The following DCAF6 variants were observed in gnomAD, a reference collection of about 807,000 sequenced individuals.
DCAF6 encodes the protein DDB1 and CUL4 associated factor 6.
DCAF6 carries 54 observed loss-of-function variants against 125.1 expected under a neutral mutation model. That is an observed-to-expected ratio of 0.43 (90% CI 0.35 to 0.54). The LOEUF (loss-of-function observed/expected upper bound fraction) is 0.54. Among genes scored for constraint, DCAF6 ranks in the 20% least tolerant of loss-of-function variants. The pLI is 0.01. For synonymous variants in DCAF6, 371 were observed against 390.4 expected (o/e 0.95, Z 0.58); for missense variants, 934 against 1,161.7 (o/e 0.80, Z 2.85).
chr1:168,001,283 C>A (rs775570015), intron 7 of DCAF6, among the ~76,000 whole-genome samples: 1 of 151,774 alleles, frequency 6.6e-6, no homozygotes, highest in Non-Finnish European at 1.5e-5. Flanking sequence ...GAGTGTGAGA[C>A]CCTGCCTGGA....
At chr1:168,008,293 A>G (rs967235634) in intron 10 of DCAF6, among the ~76,000 whole-genome samples, 1 of 152,092 alleles carries the variant, frequency 6.6e-6, no homozygotes, top group African/African-American at 2.4e-5. Flanking sequence ...ATAAATCTAC[A>G]TGTTCAAACT....
the DCAF6 span, among the ~76,000 whole-genome samples, chr1:167,877,918 A>G: frequency 6.6e-6 from 1 of 152,312 alleles, no homozygotes; most frequent in South Asian, 2.1e-4. Flanking sequence ...GGCAGGTGGT[A>G]CCTTGTATGT....
chr1:168,042,267 C>G (rs1319900656), intron 13 of DCAF6, among the ~76,000 whole-genome samples: 1 of 151,884 alleles, frequency 6.6e-6, no homozygotes, highest in Non-Finnish European at 1.5e-5. Flanking sequence ...AGAATTGTTG[C>G]ATTTCTATGA....
chr1:168,065,110 A>C (rs1483139459), intron 18 of DCAF6, among the ~76,000 whole-genome samples: 1 of 152,204 alleles, frequency 6.6e-6, no homozygotes, highest in Non-Finnish European at 1.5e-5. Flanking sequence ...TATACTGCCC[A>C]AAACCCAGAA....
chr1:168,073,169 C>T (rs544480850), intron 21 of DCAF6, among the ~76,000 whole-genome samples: 59 of 151,048 alleles, frequency 3.9e-4, no homozygotes, highest in African/African-American at 1.4e-3. Context: ...GAGCGAGACT[C>T]GGTCTCAAAA....
At chr1:168,049,431 G>GTTTTTT (rs11369573) in intron 16 of DCAF6, among the ~76,000 whole-genome samples, 15 of 101,184 alleles carry the variant, frequency 1.5e-4, no homozygotes, top group South Asian at 3.5e-4. Context: ...TGTTGTTGTT[G>GTTTTTT]TTTTTTTTTT....
chr1:167,971,452 G>A (rs1054641584), intron 3 of DCAF6, among the ~76,000 whole-genome samples: 1 of 152,060 alleles, frequency 6.6e-6, no homozygotes, highest in East Asian at 1.9e-4. Flanking sequence ...CTGTATATTC[G>A]ATACCTCAGA....
chr1:168,034,611 A>G (rs1687566951), intron 12 of DCAF6, among the ~76,000 whole-genome samples: 1 of 152,372 alleles, frequency 6.6e-6, no homozygotes, highest in East Asian at 1.9e-4. Flanking sequence ...AATACTGATT[A>G]CAAAGATTTT....
intron 12 of DCAF6, among the ~76,000 whole-genome samples, chr1:168,024,888 C>T (rs1206747011): frequency 6.6e-6 from 1 of 151,100 alleles, no homozygotes; most frequent in African/African-American, 2.4e-5. Context: ...CCTTAGATGA[C>T]CTGTATTACT....
At chr1:167,880,648 G>C in the DCAF6 span, 1 of 1,490,962 alleles carries the variant, frequency 6.7e-7, no homozygotes, top group South Asian at 1.1e-5. Context: ...CTGATGGACA[G>C]TGTGCTTTAA....
At chr1:168,068,321 T>C (rs1385947871) in intron 20 of DCAF6, 37 bp from the exon 21 acceptor site, 1 of 1,462,814 alleles carries the variant, frequency 6.8e-7, no homozygotes, top group African/African-American at 1.4e-5. Flanking sequence ...TACAGTTACT[T>C]TATGATCTTT....
the DCAF6 span, among the ~76,000 whole-genome samples, chr1:167,886,793 C>T: frequency 6.6e-6 from 1 of 152,128 alleles, no homozygotes; most frequent in Non-Finnish European, 1.5e-5. Flanking sequence ...ACAATCTACC[C>T]ATCTGACAAA....
rs114207848 is a variant in DCAF6, at chr1:168,046,892, G to A, written c.2258+1665G>A. Reference sequence around the variant, plus strand: ...ACATTTAAGTAGTAGAACATGATACGGAGGTCATAATTGAAAATTAAATTT... The same window carrying A: ...ACATTTAAGTAGTAGAACATGATACAGAGGTCATAATTGAAAATTAAATTT... On this transcript the variant is annotated intron_variant, in intron 16 of 21. Transcript: ENST00000367840. Among the ~76,000 whole-genome samples the A allele has an allele frequency of 8.7e-3, 1,330 of 152,084 alleles. 17 individuals are homozygous for A. The highest frequency in any genetic ancestry group is 0.031 in the African/African-American group (1,274 of 41,504).
chr1:167,936,135 A>C (rs549889719), upstream of DCAF6: 17 of 412,180 alleles, frequency 4.1e-5, no homozygotes, highest in East Asian at 4.7e-4. Context: ...TCACCTCACC[A>C]AGTCTGCGCT....
the DCAF6 span, chr1:167,901,545 G>T: frequency 1.9e-6 from 2 of 1,047,372 alleles, no homozygotes; most frequent in Non-Finnish European, 3.0e-6. Flanking sequence ...CCAAAGTTCA[G>T]GGCATCATGG....
At chr1:167,881,340 G>C in the DCAF6 span, among the ~76,000 whole-genome samples, 1 of 152,254 alleles carries the variant, frequency 6.6e-6, no homozygotes, top group East Asian at 1.9e-4. Flanking sequence ...AAGGGTGATG[G>C]GTTGAAATTT....
intron 12 of DCAF6, among the ~76,000 whole-genome samples, chr1:168,031,572 AAGG>A (rs1403920513): frequency 3.3e-5 from 5 of 152,360 alleles, no homozygotes; most frequent in Admixed American, 1.3e-4. Flanking sequence ...CAGTAACTGG[AAGG>A]AGAAGTTGTT....
At chr1:168,010,837 T>C (rs973391869) in intron 10 of DCAF6, among the ~76,000 whole-genome samples, 1 of 152,140 alleles carries the variant, frequency 6.6e-6, no homozygotes, top group African/African-American at 2.4e-5. Context: ...TGTTTTCATT[T>C]AGTTCATGAT....
At chr1:167,994,345 T>C (rs573744386) in intron 7 of DCAF6, among the ~76,000 whole-genome samples, 4 of 152,084 alleles carry the variant, frequency 2.6e-5, no homozygotes, top group Non-Finnish European at 1.5e-5. Context: ...ATTAAAATAA[T>C]AGAAAATATG....
Sources: gnomAD v4.1 joint callset for allele counts (sites outside exome capture counted in the v4.1 genomes callset) on GRCh38, gnomAD v4.1.1 for gene constraint, MANE v1.5 for transcripts, NCBI Gene and HGNC (gene_info 2026-07-23, HGNC 2026-07-21) for gene names.